UBE2U: variants seen among roughly 807,000 people sequenced by gnomAD.
UBE2U encodes ubiquitin-conjugating enzyme E2 U.
Under a neutral mutation model 41.2 loss-of-function variants are expected in UBE2U, and 39 were observed. The observed-to-expected ratio is 0.95, with a 90% confidence interval of 0.73 to 1.24. The LOEUF (loss-of-function observed/expected upper bound fraction) is 1.24, where lower values mean the gene tolerates loss of function less well. Among genes scored for constraint, UBE2U ranks in the 50% most tolerant of loss-of-function variants. The pLI, the probability that UBE2U is intolerant of heterozygous loss-of-function variation, is 0.00. For synonymous variants in UBE2U, 107 were observed against 117.8 expected (o/e 0.91, Z 0.60); for missense variants, 336 against 363.1 (o/e 0.93, Z 0.61).
At chr1:64,234,167 G>A (rs940722149) in intron 7 of UBE2U, among the ~76,000 whole-genome samples, 9 of 152,086 alleles carry the variant, frequency 5.9e-5, no homozygotes, top group African/African-American at 2.2e-4. Flanking sequence ...ACTGTGCAGG[G>A]GACATCTCAC....
intron 8 of UBE2U, among the ~76,000 whole-genome samples, chr1:64,245,751 C>T (rs1370013287): frequency 6.6e-6 from 1 of 152,092 alleles, no homozygotes; most frequent in Non-Finnish European, 1.5e-5. Context: ...ACTTTGCTTG[C>T]CTTGTTGACA....
chr1:64,256,723 A>G (rs1645098085), intron 8 of UBE2U, among the ~76,000 whole-genome samples: 1 of 152,166 alleles, frequency 6.6e-6, no homozygotes, highest in African/African-American at 2.4e-5. Context: ...AGATTTCATG[A>G]TGAAAATGCC....
chr1:64,241,437 T>G (rs1644832758), intron 7 of UBE2U, among the ~76,000 whole-genome samples: 1 of 152,178 alleles, frequency 6.6e-6, no homozygotes, highest in South Asian at 2.1e-4. Context: ...AACTTCCAAG[T>G]CATAATCTAT....
intron 8 of UBE2U, among the ~76,000 whole-genome samples, chr1:64,252,067 C>G (rs1352035082): frequency 6.6e-6 from 1 of 152,252 alleles, no homozygotes; most frequent in Admixed American, 6.5e-5. Flanking sequence ...AGCCTGCCAG[C>G]TCTGGAGAGT....
chr1:64,257,425 G>A (rs779913047), intron 8 of UBE2U, among the ~76,000 whole-genome samples: 2 of 152,198 alleles, frequency 1.3e-5, no homozygotes, highest in Non-Finnish European at 2.9e-5. Flanking sequence ...GGAATACTAT[G>A]CAGCCACAAA....
At chr1:64,249,100 C>G (rs1455622275) in intron 8 of UBE2U, among the ~76,000 whole-genome samples, 2 of 151,958 alleles carry the variant, frequency 1.3e-5, no homozygotes, top group African/African-American at 2.4e-5. Flanking sequence ...CAGCCAGGCG[C>G]GGTGGCTCAC....
intron 8 of UBE2U, among the ~76,000 whole-genome samples, chr1:64,254,683 A>G (rs529062306): frequency 1.6e-4 from 24 of 152,314 alleles, no homozygotes; most frequent in Non-Finnish European, 3.2e-4. Context: ...TCCTGGGTAA[A>G]TAAAGAAATT....
intron 6 of UBE2U, among the ~76,000 whole-genome samples, chr1:64,229,409 TA>T (rs1234874959): frequency 6.6e-6 from 1 of 152,182 alleles, no homozygotes; most frequent in Non-Finnish European, 1.5e-5. Context: ...GAAGAGGCGC[TA>T]AACTTGGCTC....
chr1:64,226,125 A>G (rs1273076997), intron 6 of UBE2U, among the ~76,000 whole-genome samples: 2 of 152,266 alleles, frequency 1.3e-5, no homozygotes, highest in African/African-American at 4.8e-5. Context: ...ATGTCCATCA[A>G]CAGTTGAATG....
intron 8 of UBE2U, among the ~76,000 whole-genome samples, chr1:64,253,977 T>C (rs12564350): frequency 0.046 from 6,961 of 152,106 alleles, 241 homozygotes; most frequent in East Asian, 0.091. Context: ...GCAAGCTGAA[T>C]AAGGAGCCAA....
intron 8 of UBE2U, chr1:64,244,070 A>G: frequency 8.2e-7 from 1 of 1,224,848 alleles, no homozygotes; most frequent in African/African-American, 1.5e-5. Flanking sequence ...GCAAGCACTC[A>G]TAAAGTTCGC....
At chr1:64,262,706 G>A (rs2100554876) in intron 9 of UBE2U, among the ~76,000 whole-genome samples, 1 of 152,294 alleles carries the variant, frequency 6.6e-6, no homozygotes, top group East Asian at 1.9e-4. Flanking sequence ...TCATGTGAGT[G>A]AGACCTTATC....
At position 64,208,031 on chromosome 1, in the gene UBE2U, T is replaced by A. The variant is rs545449646; in HGVS notation, c.241+1175T>A. On this transcript the variant is annotated intron_variant, in intron 3 of 9. Transcript: ENST00000371077. The stretch of plus-strand genomic sequence containing the variant: ...ACAGAATAAACAACAAAAATAAACA[T>A]AAAAAGATTATCAATCTCACTACTA... Among the ~76,000 whole-genome samples the A allele has an allele frequency of 2.0e-5, 3 of 152,054 alleles. No individual in the cohort carries two copies. The South Asian group carries it at 6.2e-4, about 32-fold the overall frequency.
chr1:64,249,907 A>G (rs1644980242), intron 8 of UBE2U, among the ~76,000 whole-genome samples: 1 of 152,128 alleles, frequency 6.6e-6, no homozygotes, highest in Non-Finnish European at 1.5e-5. Context: ...TCACAGACCA[A>G]GAAGTTCAAT....
intron 7 of UBE2U, among the ~76,000 whole-genome samples, chr1:64,239,068 G>GAA (rs1644730188): frequency 1.5e-5 from 1 of 64,866 alleles, no homozygotes; most frequent in Non-Finnish European, 2.9e-5. Flanking sequence ...AAGAAGAAGA[G>GAA]GAAGAGGAAG....
chr1:64,220,348 G>A (rs936402526), intron 5 of UBE2U, among the ~76,000 whole-genome samples: 3 of 152,078 alleles, frequency 2.0e-5, no homozygotes, highest in Admixed American at 6.5e-5. Flanking sequence ...TTGTCTGTTC[G>A]ATATGATTTA....
chr1:64,212,631 G>T (rs1486597484), intron 4 of UBE2U, among the ~76,000 whole-genome samples: 2 of 152,076 alleles, frequency 1.3e-5, no homozygotes, highest in African/African-American at 4.8e-5. Context: ...GAAATGCTTA[G>T]GAATTGGAAA....
chr1:64,241,526 G>A, intron 7 of UBE2U, 126 bp from the exon 8 acceptor site: 1 of 635,916 alleles, frequency 1.6e-6, no homozygotes, highest in Non-Finnish European at 2.7e-6. Context: ...AATATGACTT[G>A]AATTATATAG....
chr1:64,236,407 C>T (rs1570064825), intron 7 of UBE2U, among the ~76,000 whole-genome samples: 1 of 152,142 alleles, frequency 6.6e-6, no homozygotes, highest in Non-Finnish European at 1.5e-5. Context: ...GTACATGCAG[C>T]ATATTTGTAA....
Sources: gnomAD v4.1 joint callset for allele counts (sites outside exome capture counted in the v4.1 genomes callset) on GRCh38, gnomAD v4.1.1 for gene constraint, MANE v1.5 for transcripts, NCBI Gene and HGNC (gene_info 2026-07-23, HGNC 2026-07-21) for gene names.